Variants in SEC61A1 observed in about 807,000 individuals in gnomAD.
The protein encoded by SEC61A1 is protein transport protein Sec61 subunit alpha isoform 1.
In SEC61A1, 15 loss-of-function variants were observed where a neutral mutation model predicts 55.2. The observed-to-expected ratio is 0.27, with a 90% CI of 0.18 to 0.42. SEC61A1 has a LOEUF of 0.42. Ranked by LOEUF, SEC61A1 falls within the 10% of genes least tolerant of loss-of-function variation. The pLI is 1.00. For synonymous variants in SEC61A1, 247 were observed against 234.0 expected, an observed-to-expected ratio of 1.06 and a Z score of -0.51; for missense variants, 284 against 602.6, an observed-to-expected ratio of 0.47 and a Z score of 5.53.
chr3:128,066,644 G>T, intron 8 of SEC61A1: 1 of 376,492 alleles, frequency 2.7e-6, no homozygotes, highest in Non-Finnish European at 4.8e-6. Context: ...GGCTGGTATC[G>T]AACTTCTGGG....
At chr3:128,061,535 G>C (rs1227026145) in intron 7 of SEC61A1, among the ~76,000 whole-genome samples, 1 of 152,158 alleles carries the variant, frequency 6.6e-6, no homozygotes, top group Non-Finnish European at 1.5e-5. Context: ...GGCCTCCAGA[G>C]ACCATATTAT....
rs773499172 is a variant in SEC61A1 at position 128,065,135 on chromosome 3, CAT to C, written c.777+101_777+102del. ...CCCACTCTGTGGGGTGCACTGTCAT[CAT>C]ATTGTGTTGAAACGATGAGATGGTA... On this transcript the variant is annotated intron_variant, in intron 8 of 11. Coordinates refer to ENST00000243253, the MANE Select transcript of SEC61A1 (RefSeq NM_013336.4). 8 of 1,280,732 alleles carry C rather than the reference CAT, an allele frequency of 6.2e-6. No homozygotes were observed. The East Asian group carries it at 1.8e-4, about 30-fold the overall frequency. 79.3% of individuals were successfully genotyped at this position (1,280,732 alleles called of 1,614,324 possible). A position where few individuals can be genotyped will look rare whatever the true frequency, so the allele number is the denominator to read the frequency against.
At position 128,067,796 on chromosome 3, in the gene SEC61A1, A is replaced by T. The variant is rs1942029247; in HGVS notation, c.1167+184A>T. 1 of 672,890 alleles carries T rather than the reference A, an allele frequency of 1.5e-6. No individual in the cohort carries two copies. The highest frequency in any genetic ancestry group is 1.8e-5 in the African/African-American group (1 of 55,478). The allele number at this position is 672,890 out of a possible 1,614,324, so 41.7% of individuals were successfully genotyped here. On this transcript the variant is annotated intron_variant, in intron 10 of 11. Transcript: ENST00000243253. This position sits in a 1 kb window ranked among gnomAD's most constrained non-coding sequence, Gnocchi z 4.1. ...GTCCAGCAGTAGATCAGCTGTGGGT[A>T]TGAGAATCTGAATCCACACTGTAAA... is the stretch of plus-strand genomic sequence containing the variant.
intron 7 of SEC61A1, among the ~76,000 whole-genome samples, chr3:128,064,591 T>C (rs1033231550): frequency 1.3e-5 from 2 of 152,064 alleles, no homozygotes; most frequent in Non-Finnish European, 2.9e-5. Flanking sequence ...GAGGCTGCAG[T>C]GAGCTGCAAC....
Position 128,056,782 on chromosome 3 carries a change from G to A in SEC61A1, c.294G>A (p.Lys98=). The A allele has an allele frequency of 6.2e-7, 1 of 1,610,878 alleles. No individual in the cohort carries two copies. Among genetic ancestry groups the A allele is most frequent in the South Asian group, 1.1e-5 (1 of 90,592 alleles). Residue 98 remains lysine (K), a synonymous_variant, in exon 5 of 12, where the codon AAG becomes AAA. Transcript: ENST00000243253. ...TAATGCAACTCTTGGCTGGCGCCAA[G>A]ATAATTGAAGTTGGTGACACCCCAA... ...GLIMQLLAGA[K]IIEVGDTPKD... is the part of the protein sequence containing the mutation.
upstream of SEC61A1, chr3:128,051,944 G>T (rs1032965522): frequency 4.7e-6 from 7 of 1,490,794 alleles, no homozygotes; most frequent in Admixed American, 2.0e-5. Context: ...TACTCAGCAG[G>T]TAATGACGGA....
At chr3:128,053,690 G>C (rs1409418865) in intron 2 of SEC61A1, among the ~76,000 whole-genome samples, 1 of 152,170 alleles carries the variant, frequency 6.6e-6, no homozygotes, top group African/African-American at 2.4e-5. Context: ...GCTTTTAATG[G>C]ACGAATTTGT....
chr3:128,059,470 A>G lies in SEC61A1; in HGVS notation c.353-632A>G, dbSNP rs537589790. 8.1e-5 allele frequency among the ~76,000 whole-genome samples: 12 copies of G among 148,186 alleles called. No homozygotes were observed. In the South Asian group the frequency reaches 2.3e-3, roughly 29 times the overall value. On this transcript the variant is annotated intron_variant, in intron 5 of 11. Coordinates refer to ENST00000243253, the MANE Select transcript of SEC61A1 (RefSeq NM_013336.4). ...CCTGGGCGACAGAGACTCCGTCTCA[A>G]AAAAAAAAAAAAGGAAAGCTTCTAT...
At chr3:128,054,383 C>T (rs944949713) in intron 2 of SEC61A1, among the ~76,000 whole-genome samples, 2 of 152,214 alleles carry the variant, frequency 1.3e-5, no homozygotes, top group African/African-American at 4.8e-5. Flanking sequence ...GCGTTGCCTT[C>T]TCTTGGCCAC....
chr3:128,067,474 T>C lies in SEC61A1; in HGVS notation c.1029T>C (p.Tyr343=). 1.2e-6 allele frequency: 2 copies of C among 1,614,188 alleles called. No individual in the cohort carries two copies. The highest frequency in any genetic ancestry group is 1.1e-5 in the South Asian group (1 of 91,088). Residue 343 remains tyrosine, a synonymous_variant, in exon 10 of 12, where the codon TAT becomes TAC. Coordinates refer to ENST00000243253, the MANE Select transcript of SEC61A1 (RefSeq NM_013336.4). This position sits in a 1 kb window ranked among gnomAD's most constrained non-coding sequence, Gnocchi z 4.1. ...ARAYPVGGLC[Y]YLSPPESFGS... ...CTTATCCAGTTGGTGGCCTTTGCTA[T>C]TACCTGTCCCCTCCAGAATCTTTTG...
chr3:128,060,011 C>A, intron 5 of SEC61A1, 91 bp from the exon 6 acceptor site: 1 of 908,394 alleles, frequency 1.1e-6, no homozygotes. Context: ...TTGTTCTCCC[C>A]CGTGCCTGGC....
At chr3:128,066,381 A>G (rs1941978455) in intron 8 of SEC61A1, among the ~76,000 whole-genome samples, 1 of 152,038 alleles carries the variant, frequency 6.6e-6, no homozygotes, top group Non-Finnish European at 1.5e-5. Context: ...TCTTTTGGAA[A>G]AAAAAAAAGT....
chr3:128,051,645 A>G (rs1175267761), upstream of SEC61A1: 2 of 1,404,866 alleles, frequency 1.4e-6, no homozygotes, highest in East Asian at 2.7e-5. Context: ...TTAGGCAATC[A>G]CACCGCCATG....
At position 128,067,363 on chromosome 3, in the gene SEC61A1, CT is replaced by C. The variant is rs1488364531; in HGVS notation, c.976-56del. Reference sequence around the variant, plus strand: ...TTCATCTGCTCAGAACTATTTTTGCCTTGATGCTAAAGTAAAATGAAGGAGC... The same window carrying C: ...TTCATCTGCTCAGAACTATTTTTGCCTGATGCTAAAGTAAAATGAAGGAGC... On this transcript the variant is annotated intron_variant, in intron 9 of 11. Coordinates refer to ENST00000243253, the MANE Select transcript of SEC61A1 (RefSeq NM_013336.4). This position sits in a 1 kb window ranked among gnomAD's most constrained non-coding sequence, Gnocchi z 4.1. The C allele has an allele frequency of 6.5e-7, 1 of 1,542,556 alleles. No homozygotes were observed. The highest frequency in any genetic ancestry group is 8.8e-7 in the Non-Finnish European group (1 of 1,138,836).
At chr3:128,066,282 A>G (rs1166655135) in intron 8 of SEC61A1, among the ~76,000 whole-genome samples, 1 of 152,160 alleles carries the variant, frequency 6.6e-6, no homozygotes, top group African/African-American at 2.4e-5. Flanking sequence ...ATCACCAGCT[A>G]GAGAGAAGCG....
At chr3:128,065,345 C>G (rs1183142671) in intron 8 of SEC61A1, 3 of 584,682 alleles carry the variant, frequency 5.1e-6, no homozygotes, top group East Asian at 5.6e-5. Context: ...AAAAAGTACT[C>G]TAGCTCTGAA....
rs1942009531 is a variant in SEC61A1, at chr3:128,067,278, CATTAA to C, written c.975+132_976-134del. Reference sequence around the variant, plus strand: ...CATTGTGCCTTTTACAAATTCAGCACATTAAATTATCTTTTCAGTAAAAAAATTGT... The same window carrying C: ...CATTGTGCCTTTTACAAATTCAGCACATTATCTTTTCAGTAAAAAAATTGT... On this transcript the variant is annotated intron_variant, in intron 9 of 11. Coordinates refer to ENST00000243253, the MANE Select transcript of SEC61A1 (RefSeq NM_013336.4). This position sits in a 1 kb window ranked among gnomAD's most constrained non-coding sequence, Gnocchi z 4.1. 1.6e-6 allele frequency: 2 copies of C among 1,289,874 alleles called. No homozygotes were observed. Among genetic ancestry groups the C allele is most frequent in the Non-Finnish European group, 2.2e-6 (2 of 918,876 alleles). The allele number at this position is 1,289,874 out of a possible 1,614,324, so 79.9% of individuals were successfully genotyped here.
At position 128,067,720 on chromosome 3, in the gene SEC61A1, A is replaced by G; in HGVS notation, c.1167+108A>G. On this transcript the variant is annotated intron_variant, in intron 10 of 11. Transcript: ENST00000243253. This position sits in a 1 kb window ranked among gnomAD's most constrained non-coding sequence, Gnocchi z 4.1. ...AATGGTCTGTGACGTGTGCAGATAG[A>G]TCGTCGTCCTTTAGGGGGCAGTTCA... 1 of 939,180 alleles carries G rather than the reference A, an allele frequency of 1.1e-6. No individual in the cohort carries two copies. Among genetic ancestry groups the G allele is most frequent in the Non-Finnish European group, 1.6e-6 (1 of 624,014 alleles). 58.2% of individuals were successfully genotyped at this position (939,180 alleles called of 1,614,324 possible). A position where few individuals can be genotyped will look rare whatever the true frequency, so the allele number is the denominator to read the frequency against.
intron 5 of SEC61A1, among the ~76,000 whole-genome samples, chr3:128,058,272 G>T (rs1941802386): frequency 7.5e-6 from 1 of 133,622 alleles, no homozygotes. Flanking sequence ...GCAGTGGCGT[G>T]ATCTTGGTTC....
Sources: allele counts gnomAD v4.1 joint callset (sites outside exome capture counted in the v4.1 genomes callset), GRCh38; gene constraint gnomAD v4.1.1; non-coding constraint Gnocchi (gnomAD v3.1); transcripts MANE v1.5; gene names NCBI Gene and HGNC (gene_info 2026-07-23, HGNC 2026-07-21).